Variants in PPP2R5C observed in about 807,000 individuals in gnomAD.
PPP2R5C encodes serine/threonine-protein phosphatase 2A 56 kDa regulatory subunit gamma isoform.
Under a neutral mutation model 68.9 loss-of-function variants are expected in PPP2R5C, and 7 were observed. That is an observed-to-expected ratio of 0.10 (90% CI 0.06 to 0.19). The LOEUF (loss-of-function observed/expected upper bound fraction) is 0.19. Ranked by LOEUF, PPP2R5C falls within the 10% of genes least tolerant of loss-of-function variation. PPP2R5C has a pLI of 1.00. For synonymous variants in PPP2R5C, 210 were observed against 222.2 expected, an observed-to-expected ratio of 0.95 and a Z score of 0.49; for missense variants, 348 against 641.3, an observed-to-expected ratio of 0.54 and a Z score of 4.94.
chr14:101,852,469 C>CTTTTTTTTTTTTT (rs559509845), intron 1 of PPP2R5C, among the ~76,000 whole-genome samples: 54 of 115,096 alleles, frequency 4.7e-4, no homozygotes, highest in Admixed American at 6.5e-4. Flanking sequence ...TTTTCTTTTT[C>CTTTTTTTTTTTTT]TTTTTTTTTT....
intron 11 of PPP2R5C, among the ~76,000 whole-genome samples, chr14:101,911,916 C>T (rs964839067): frequency 3.3e-5 from 5 of 151,546 alleles, no homozygotes; most frequent in African/African-American, 1.2e-4. Context: ...CTGAGTTAAG[C>T]GATTGAAAGT....
In PPP2R5C at chr14:101,781,141, C is replaced by G. The variant is rs1447175192; in HGVS notation, c.94-4877C>G. On this transcript the variant is annotated intron_variant, in intron 2 of 14. Transcript: ENST00000328724. This position sits in a 1 kb window ranked among gnomAD's most constrained non-coding sequence, Gnocchi z 6.4. ...GAGTCTTTGCAGGTTTATGGGACAT[C>G]AGAGCAGGGAGGGAGCCGGGTGTCG... 6.6e-6 allele frequency among the ~76,000 whole-genome samples: 1 copy of G among 152,180 alleles called. No individual in the cohort carries two copies.
At chr14:101,760,761 TC>T, upstream of PPP2R5C, 1 of 295,700 alleles carries the variant, frequency 3.4e-6, no homozygotes, top group South Asian at 1.7e-4. Flanking sequence ...GAGGGGCTGG[TC>T]GAGGGGAGGG....
chr14:101,764,038 C>CGCGCGCGCGCGGGT (rs140548459), intron 2 of PPP2R5C, among the ~76,000 whole-genome samples: 4,312 of 151,934 alleles, frequency 0.028, 98 homozygotes, highest in East Asian at 0.13. Flanking sequence ...TGGGCGCGCG[C>CGCGCGCGCGCGGGT]ACTTGCGCGT....
At chr14:101,909,520 T>G in intron 10 of PPP2R5C, 69 bp from the exon 13 acceptor site, 3 of 1,067,212 alleles carry the variant, frequency 2.8e-6, no homozygotes, top group Non-Finnish European at 4.3e-6. Flanking sequence ...TGGAGCAGCC[T>G]GAGAGTGGAG....
rs769641676 is a variant in PPP2R5C, at chr14:101,797,261, A to G, written c.259+11078A>G. ...AGACCCTCGCTCCCGTCGAAGGCTG[A>G]TGCCATCCTTCAGTGATGTGTGGAC... On this transcript the variant is annotated intron_variant, in intron 3 of 14. Coordinates refer to the PPP2R5C transcript ENST00000328724. This position sits in a 1 kb window ranked among gnomAD's most constrained non-coding sequence, Gnocchi z 4.2. 2.2e-6 allele frequency: 1 copy of G among 456,070 alleles called. No individual in the cohort carries two copies. The highest frequency in any genetic ancestry group is 4.4e-6 in the Non-Finnish European group (1 of 226,804). 28.3% of individuals were successfully genotyped at this position (456,070 alleles called of 1,614,324 possible). A position where few individuals can be genotyped will look rare whatever the true frequency, so the allele number is the denominator to read the frequency against.
chr14:101,809,608 G>A (rs1323134766), upstream of PPP2R5C, among the ~76,000 whole-genome samples: 1 of 121,388 alleles, frequency 8.2e-6, no homozygotes, highest in Non-Finnish European at 1.6e-5. Flanking sequence ...TTTGTTTACA[G>A]TCTGGCCAAG....
At chr14:101,923,057 C>T (rs767344553) in intron 13 of PPP2R5C, among the ~76,000 whole-genome samples, 1 of 152,146 alleles carries the variant, frequency 6.6e-6, no homozygotes, top group Non-Finnish European at 1.5e-5. Context: ...TCCTGTGGTC[C>T]GCTCCGCCCC....
chr14:101,847,650 G>A (rs2041914710), intron 1 of PPP2R5C, among the ~76,000 whole-genome samples: 1 of 150,968 alleles, frequency 6.6e-6, no homozygotes. Context: ...GTGTCCTCAT[G>A]GTTGGGGCTG....
intron 1 of PPP2R5C, among the ~76,000 whole-genome samples, chr14:101,847,810 A>G (rs961903065): frequency 6.6e-6 from 1 of 151,870 alleles, no homozygotes; most frequent in South Asian, 2.1e-4. Flanking sequence ...CTACAGGCAC[A>G]TGCCACCACA....
chr14:101,869,399 A>T (rs574087078), intron 2 of PPP2R5C, among the ~76,000 whole-genome samples: 1 of 152,308 alleles, frequency 6.6e-6, no homozygotes, highest in Non-Finnish European at 1.5e-5. Flanking sequence ...AAATACTTAC[A>T]TACCGATTTT....
intron 3 of PPP2R5C, among the ~76,000 whole-genome samples, chr14:101,787,591 G>A (rs549076765): frequency 6.5e-4 from 95 of 145,418 alleles, no homozygotes; most frequent in East Asian, 8.0e-4. Flanking sequence ...GTGAAACCCC[G>A]TCTCTACTAA....
chr14:101,762,410 T>C (rs2036597984), intron 1 of PPP2R5C, among the ~76,000 whole-genome samples: 1 of 151,926 alleles, frequency 6.6e-6, no homozygotes, highest in Non-Finnish European at 1.5e-5. Context: ...AGGAATTCTC[T>C]GCCGCCCCGG....
At chr14:101,844,708 C>T (rs1339470344) in intron 1 of PPP2R5C, among the ~76,000 whole-genome samples, 1 of 152,228 alleles carries the variant, frequency 6.6e-6, no homozygotes, top group African/African-American at 2.4e-5. Context: ...CACACCTCTA[C>T]ACTGCTTTGT....
At chr14:101,881,880 A>G (rs564029896) in intron 2 of PPP2R5C, among the ~76,000 whole-genome samples, 1 of 152,312 alleles carries the variant, frequency 6.6e-6, no homozygotes, top group East Asian at 1.9e-4. Context: ...CTGTGCCATC[A>G]GCCTTTGTTG....
intron 1 of PPP2R5C, among the ~76,000 whole-genome samples, chr14:101,811,259 A>G (rs1005506587): frequency 2.6e-5 from 4 of 152,252 alleles, no homozygotes; most frequent in African/African-American, 7.2e-5. Flanking sequence ...AAGGTTGCCT[A>G]CAGGTAACAT....
rs754117429 is a variant in PPP2R5C, at chr14:101,906,443, C to T, written c.1065C>T (p.Ile355=). Residue 355 remains isoleucine (I), a synonymous_variant, in exon 10 of 14, where the codon ATC becomes ATT. Transcript: ENST00000334743. The surrounding 1 kb of genome is among the most constrained non-coding windows in gnomAD (Gnocchi z 4.0). ...TCTATTACTGGAATAATGAATACATCATGAGTTTAATCAGTGACAACGCAG... is the reference window on the plus strand; with the variant it reads ...TCTATTACTGGAATAATGAATACATTATGAGTTTAATCAGTGACAACGCAG... The T allele has an allele frequency of 7.4e-6, 12 of 1,612,440 alleles. No homozygotes were observed. In the East Asian group the frequency reaches 2.7e-4, roughly 36 times the overall value.
At chr14:101,849,033 T>A (rs1459967956) in intron 1 of PPP2R5C, among the ~76,000 whole-genome samples, 1 of 152,248 alleles carries the variant, frequency 6.6e-6, no homozygotes, top group African/African-American at 2.4e-5. Flanking sequence ...ATCCTCCTTA[T>A]CTGCCCCTTT....
intron 13 of PPP2R5C, chr14:101,921,234 T>C (rs980043826): frequency 1.4e-4 from 31 of 222,808 alleles, no homozygotes; most frequent in African/African-American, 7.1e-4. Flanking sequence ...CAGCTGATTT[T>C]TGTATTTTTA....
Sources: gnomAD v4.1 joint callset for allele counts (sites outside exome capture counted in the v4.1 genomes callset) on GRCh38, gnomAD v4.1.1 for gene constraint, Gnocchi (gnomAD v3.1) non-coding constraint, MANE v1.5 for transcripts, NCBI Gene and HGNC (gene_info 2026-07-23, HGNC 2026-07-21) for gene names.